Variants in SMG1 observed in about 807,000 individuals in gnomAD.
SMG1 encodes the protein serine/threonine-protein kinase SMG1.
A neutral mutation model predicts 419.9 loss-of-function variants in SMG1; 22 were observed. That is an observed-to-expected ratio of 0.05 (90% confidence interval 0.04 to 0.07). SMG1 has a LOEUF of 0.07. Among genes scored for constraint, SMG1 ranks in the 10% least tolerant of loss-of-function variants. The pLI is 1.00. For missense variants in SMG1, 3,185 were observed against 4,342.0 expected, an observed-to-expected ratio of 0.73 and a Z score of 7.49; for synonymous variants, 1,538 against 1,553.5, an observed-to-expected ratio of 0.99 and a Z score of 0.23.
chr16:18,873,306 C>T (rs1324567406), intron 13 of SMG1, among the ~76,000 whole-genome samples: 3 of 152,148 alleles, frequency 2.0e-5, no homozygotes, highest in Non-Finnish European at 2.9e-5. Context: ...GCAACCTCCA[C>T]CTCCGGGGTT....
intron 60 of SMG1, among the ~76,000 whole-genome samples, chr16:18,812,619 CATATATATACACAT>C (rs1172841264): frequency 6.9e-6 from 1 of 145,866 alleles, no homozygotes; most frequent in African/African-American, 2.5e-5. Flanking sequence ...TACATACACA[CATATATATACACAT>C]ATATATACAC....
rs974660533 is a variant in SMG1, at chr16:18,809,195, G to A, written c.*374C>T. 1 of 197,360 alleles carries A rather than the reference G, an allele frequency of 5.1e-6. No homozygotes were observed. Among genetic ancestry groups the A allele is most frequent in the Non-Finnish European group, 1.1e-5 (1 of 94,976 alleles). 12.2% of individuals were successfully genotyped at this position (197,360 alleles called of 1,614,324 possible). A position where few individuals can be genotyped will look rare whatever the true frequency, so the allele number is the denominator to read the frequency against. ...GTGGGGTTTGTTTTTTTCCTGGATT[G>A]TACACACAGGGTCAGGTGGAATGGA... is the stretch of plus-strand genomic sequence containing the variant. On this transcript the variant is annotated 3_prime_UTR_variant, in exon 63 of 63. Transcript: ENST00000446231.
chr16:18,834,599 A>C lies in SMG1; in HGVS notation c.8331-161T>G, dbSNP rs554928539. Among the ~76,000 whole-genome samples the C allele has an allele frequency of 1.5e-4, 23 of 152,272 alleles. No homozygotes were observed. The South Asian group carries it at 4.6e-3, about 30-fold the overall frequency. On this transcript the variant is annotated intron_variant, in intron 49 of 62. Transcript: ENST00000446231. ...CGAGACCAGCCTGATCAATATGGCA[A>C]AACCCCATCTCTACCAAAAAATACA...
At position 18,839,810 on chromosome 16, in the gene SMG1, T is replaced by G. The variant is rs1366805620; in HGVS notation, c.6833A>C (p.His2278Pro). The part of the protein sequence containing the change: ...LDVSRRDWPL[H>P]VMKAVLEELM... ...CTCTTCCAATACTGCCTTCATTACA[T>G]GAAGAGGCCAATCCCGACGGGACAC... The change falls in exon 42 of 63, where the codon CAT becomes CCT. Residue 2278 changes from histidine to proline, a missense_variant. Transcript: ENST00000446231. The G allele has an allele frequency of 6.2e-7, 1 of 1,613,986 alleles. No individual in the cohort carries two copies. Among genetic ancestry groups the G allele is most frequent in the East Asian group, 2.2e-5 (1 of 44,882 alleles).
chr16:18,816,458 A>G lies in SMG1; in HGVS notation c.10146T>C (p.Asp3382=). The change falls in exon 58 of 63, where the codon GAT becomes GAC. Residue 3382 remains aspartate, a synonymous_variant. Coordinates refer to ENST00000446231, the MANE Select transcript of SMG1 (RefSeq NM_015092.5). ...TCTGAATTGCCCTCTGAGTAGACAT[A>G]TCCTGGGTCAACTGTTTGTGTGCTG... ...LLSAHKQLTQ[D]MSTQRAIQTE... The G allele has an allele frequency of 1.9e-6, 3 of 1,613,974 alleles. No homozygotes were observed. Among genetic ancestry groups the G allele is most frequent in the Non-Finnish European group, 2.5e-6 (3 of 1,179,870 alleles).
chr16:18,884,176 C>A lies in SMG1; in HGVS notation c.1022-9G>T, dbSNP rs540641696. Reference sequence around the variant, plus strand: ...CAAACTCTGCAACCACCCTTGGAATCGTATAAGAAATTGTGAAAGGGTAGG... The same window carrying A: ...CAAACTCTGCAACCACCCTTGGAATAGTATAAGAAATTGTGAAAGGGTAGG... On this transcript the variant is annotated splice_polypyrimidine_tract_variant and intron_variant, in intron 8 of 62. Transcript: ENST00000446231. The A allele has an allele frequency of 2.1e-6, 3 of 1,437,134 alleles. No homozygotes were observed. Among genetic ancestry groups the A allele is most frequent in the Admixed American group, 2.0e-5 (1 of 49,588 alleles). 89.0% of individuals were successfully genotyped at this position (1,437,134 alleles called of 1,614,324 possible). A position where few individuals can be genotyped will look rare whatever the true frequency, so the allele number is the denominator to read the frequency against.
At chr16:18,908,324 C>A (rs1351483748) in intron 1 of SMG1, among the ~76,000 whole-genome samples, 5 of 148,780 alleles carry the variant, frequency 3.4e-5, no homozygotes, top group African/African-American at 1.2e-4. Context: ...GAGAGCTCAC[C>A]ACTACACTCC....
chr16:18,847,832 G>T lies in SMG1; in HGVS notation c.5825C>A (p.Pro1942His). 3 of 1,613,890 alleles carry T rather than the reference G, an allele frequency of 1.9e-6. No individual in the cohort carries two copies. The highest frequency in any genetic ancestry group is 2.5e-6 in the Non-Finnish European group (3 of 1,179,850). Residue 1942 changes from proline (P) to histidine (H), a missense_variant, in exon 37 of 63, where the codon CCC becomes CAC. This residue lies in a region of SMG1 where 130 missense variants were observed against 162.0 expected (regional missense o/e 0.80). Transcript: ENST00000446231. The part of the protein sequence containing the change: ...KIVDKLSSAN[P>H]TMVLQVQMLV... ...TCTTTGTACCTGTAATACCATGGTG[G>T]GGTTTGCAGAGGACAGCTTATCTAC... is the stretch of plus-strand genomic sequence containing the variant.
chr16:18,925,845 G>C, intron 1 of SMG1, 105 bp downstream of exon 1: 1 of 840,962 alleles, frequency 1.2e-6, no homozygotes. Context: ...CGGCTCCGAG[G>C]GGTGGAGGGC....
At chr16:18,848,076 C>G (rs761257530) in intron 36 of SMG1, 43 bp from the exon 37 acceptor site, 2 of 1,529,648 alleles carry the variant, frequency 1.3e-6, no homozygotes. Flanking sequence ...GAACATTTCT[C>G]CCATGTGCAT....
intron 1 of SMG1, chr16:18,924,905 A>C (rs2038331689): frequency 6.6e-6 from 1 of 152,260 alleles, no homozygotes; most frequent in Non-Finnish European, 1.5e-5. Flanking sequence ...TGTAACTATC[A>C]GGAAACAAAA....
chr16:18,899,829 C>T (rs1006845714), intron 1 of SMG1, among the ~76,000 whole-genome samples: 4 of 151,896 alleles, frequency 2.6e-5, no homozygotes, highest in African/African-American at 7.2e-5. Flanking sequence ...TCTAAGAATC[C>T]TAGCAATGAT....
Position 18,898,442 on chromosome 16 carries a change from A to AAGT in SMG1, c.93-1487_93-1486insACT, listed in dbSNP as rs542193621. Among the ~76,000 whole-genome samples, 988 of 152,286 alleles carry AAGT rather than the reference A, an allele frequency of 6.5e-3. 15 individuals carry two copies. Among genetic ancestry groups the AAGT allele is most frequent in the African/African-American group, 0.023 (951 of 41,570 alleles). On this transcript the variant is annotated intron_variant, in intron 1 of 62. Coordinates refer to ENST00000446231, the MANE Select transcript of SMG1 (RefSeq NM_015092.5). Reference sequence around the variant, plus strand: ...AAATGTATGAGAATATTTTCTGAGTATACTAAGTCTATAAGCATTAAAATA... The same window carrying AAGT: ...AAATGTATGAGAATATTTTCTGAGTAAGTTACTAAGTCTATAAGCATTAAAATA...
intron 3 of SMG1, among the ~76,000 whole-genome samples, chr16:18,894,012 G>A (rs934700171): frequency 1.7e-4 from 26 of 150,364 alleles, no homozygotes; most frequent in African/African-American, 5.4e-4. Context: ...AGCTGAGATT[G>A]CGCCACTGCA....
Position 18,809,485 on chromosome 16 carries a change from G to A in SMG1, c.*84C>T. 1.0e-6 allele frequency: 1 copy of A among 1,004,068 alleles called. No individual in the cohort carries two copies. Among genetic ancestry groups the A allele is most frequent in the African/African-American group, 1.6e-5 (1 of 62,998 alleles). The allele number at this position is 1,004,068 out of a possible 1,614,324, so 62.2% of individuals were successfully genotyped here. A position where few individuals can be genotyped will look rare whatever the true frequency, so the allele number is the denominator to read the frequency against. ...CCCCAGTTGCATCACCACCGACTGT[G>A]GTGTGGCTTTGGATGCCTGAGGCTG... On this transcript the variant is annotated 3_prime_UTR_variant, in exon 63 of 63. Coordinates refer to ENST00000446231, the MANE Select transcript of SMG1 (RefSeq NM_015092.5).
Position 18,845,599 on chromosome 16 carries a change from T to C in SMG1, c.6049A>G (p.Ile2017Val), listed in dbSNP as rs763303898. The C allele has an allele frequency of 2.5e-6, 4 of 1,613,266 alleles. No individual in the cohort carries two copies. In the East Asian group the frequency reaches 8.9e-5, roughly 36 times the overall value. Residue 2017 changes from isoleucine to valine, a missense_variant, in exon 39 of 63, where the codon ATC becomes GTC. Physicochemically the swap from Ile to Val is conservative, Grantham distance 29 (BLOSUM62 3). This residue lies in a region of SMG1 where 159 missense variants were observed against 196.0 expected (regional missense o/e 0.81). Coordinates refer to ENST00000446231, the MANE Select transcript of SMG1 (RefSeq NM_015092.5). Reference sequence around the variant, plus strand: ...CTCACATGCTCCAAAGCAAATACGATGGGCTTCATCAAAGCTGTGTGCTTC... The same window carrying C: ...CTCACATGCTCCAAAGCAAATACGACGGGCTTCATCAAAGCTGTGTGCTTC... The part of the protein sequence containing the change: ...REKHTALMKP[I>V]VFALEHVRSI...
Position 18,809,301 on chromosome 16 carries a change from G to T in SMG1, c.*268C>A, listed in dbSNP as rs890154154. 3 of 449,966 alleles carry T rather than the reference G, an allele frequency of 6.7e-6. No homozygotes were observed. The highest frequency in any genetic ancestry group is 3.5e-5 in the Admixed American group (1 of 28,428). The allele number at this position is 449,966 out of a possible 1,614,324, so 27.9% of individuals were successfully genotyped here. ...CCGACACGTCTGCTGCTGTTCTGTG[G>T]CAGAAAGACAATCTCCGTGTTCAGG... is the stretch of plus-strand genomic sequence containing the variant. On this transcript the variant is annotated 3_prime_UTR_variant, in exon 63 of 63. Coordinates refer to ENST00000446231, the MANE Select transcript of SMG1 (RefSeq NM_015092.5).
chr16:18,857,957 T>G (rs1342523897), intron 29 of SMG1: 3 of 336,268 alleles, frequency 8.9e-6, no homozygotes, highest in Non-Finnish European at 1.7e-5. Context: ...AATCAGTAAC[T>G]GCTGACAGGG....
At chr16:18,881,284 TCAAA>T (rs778834571) in intron 10 of SMG1, among the ~76,000 whole-genome samples, 27 of 152,148 alleles carry the variant, frequency 1.8e-4, no homozygotes, top group Non-Finnish European at 3.4e-4. Flanking sequence ...TGTACAGTCT[TCAAA>T]CAACCACCTT....
Sources: allele counts gnomAD v4.1 joint callset (sites outside exome capture counted in the v4.1 genomes callset), GRCh38; gene constraint gnomAD v4.1.1; regional missense constraint gnomAD v4.1.1; transcripts MANE v1.5; gene names NCBI Gene and HGNC (gene_info 2026-07-23, HGNC 2026-07-21).